LRRK2: variants seen among roughly 807,000 people sequenced by gnomAD.
LRRK2 encodes leucine rich repeat kinase 2, also known as leucine-rich repeat serine/threonine-protein kinase 2.
A neutral mutation model predicts 302.6 loss-of-function variants in LRRK2; 203 were observed. The ratio of observed to expected loss-of-function variants is 0.67; its 90% CI spans 0.60 to 0.75. The LOEUF is 0.75. LRRK2 is among the 30% of genes least tolerant of loss of function. LRRK2 has a pLI of 0.00. For synonymous variants in LRRK2, 1,066 were observed against 1,031.9 expected (o/e 1.03, Z -0.63); for missense variants, 2,830 against 2,951.0 (o/e 0.96, Z 0.95).
chr12:40,326,502 A>G (rs1317815687), intron 38 of LRRK2, among the ~76,000 whole-genome samples: 3 of 151,744 alleles, frequency 2.0e-5, no homozygotes, highest in African/African-American at 4.8e-5. Context: ...AAAAAAAACA[A>G]CTAGAAGTCC....
chr12:40,365,864 A>G (rs1435185013), intron 49 of LRRK2: 1 of 151,950 alleles, frequency 6.6e-6, no homozygotes, highest in African/African-American at 2.4e-5. Flanking sequence ...CAGGAGTTAC[A>G]ATTAGATGCT....
At chr12:40,339,888 C>T in intron 40 of LRRK2, among the ~76,000 whole-genome samples, 1 of 152,076 alleles carries the variant, frequency 6.6e-6, no homozygotes, top group East Asian at 1.9e-4. Flanking sequence ...AAATAAATGG[C>T]AAGTACAACA....
rs536307415 is a variant in LRRK2 at position 40,351,586 on chromosome 12, C to A, written c.6429C>A (p.Arg2143=). 1.7e-5 allele frequency: 28 copies of A among 1,614,104 alleles called. No homozygotes were observed. The highest frequency in any genetic ancestry group is 2.4e-5 in the Non-Finnish European group (28 of 1,180,020). ...NSAELVCLTR[R]ILLPKNVIVE... ...CTGAATTAGTCTGTCTGACGAGACGCATTTTATTACCTAAAAACGTAATTG... is the reference window on the plus strand; with the variant it reads ...CTGAATTAGTCTGTCTGACGAGACGAATTTTATTACCTAAAAACGTAATTG... Residue 2143 remains arginine (R), a synonymous_variant, in exon 44 of 51, where the codon CGC becomes CGA. Transcript: ENST00000298910.
intron 42 of LRRK2, 149 bp from the exon 43 acceptor site, chr12:40,348,260 T>C (rs1475550762): frequency 9.7e-6 from 6 of 618,650 alleles, no homozygotes; most frequent in Non-Finnish European, 1.7e-5. Context: ...AAATTAGCTT[T>C]AATTTTGTGA....
rs4768229 is a variant in LRRK2 at position 40,321,446 on chromosome 12, T to C, written c.5170+258T>C. 0.57 allele frequency among the ~76,000 whole-genome samples: 85,982 copies of C among 151,688 alleles called. 24,506 individuals carry two copies. The highest frequency in any genetic ancestry group is 0.7 in the South Asian group (3,354 of 4,820). On this transcript the variant is annotated intron_variant, in intron 35 of 50. Transcript: ENST00000298910. Reference sequence around the variant, plus strand: ...CTTAGGTGCTCACTCAGATCTTGACTGTGATTACATTGTAGGGACTGTAAT... The same window carrying C: ...CTTAGGTGCTCACTCAGATCTTGACCGTGATTACATTGTAGGGACTGTAAT...
At chr12:40,351,448 C>G (rs1946347769) in intron 43 of LRRK2, 91 bp from the exon 44 acceptor site, 4 of 1,261,756 alleles carry the variant, frequency 3.2e-6, no homozygotes, top group Non-Finnish European at 4.5e-6. Context: ...TTTTGCTTGA[C>G]AGAGCTATAA....
At chr12:40,306,186 G>A (rs1433046553) in intron 28 of LRRK2, among the ~76,000 whole-genome samples, 4 of 152,012 alleles carry the variant, frequency 2.6e-5, no homozygotes, top group East Asian at 3.9e-4. Context: ...TGTTGAGAGC[G>A]GCTTCTCCTC....
chr12:40,250,093 A>C (rs1205469281), intron 8 of LRRK2, 148 bp downstream of exon 8: 5 of 974,904 alleles, frequency 5.1e-6, no homozygotes, highest in Non-Finnish European at 7.8e-6. Flanking sequence ...GATACTTTCA[A>C]GGAAACTAAC....
At chr12:40,314,541 CA>C (rs1945148918) in intron 32 of LRRK2, among the ~76,000 whole-genome samples, 1 of 151,954 alleles carries the variant, frequency 6.6e-6, no homozygotes, top group African/African-American at 2.4e-5. Flanking sequence ...TTTTATATTG[CA>C]AAGGGGAATT....
At chr12:40,336,779 T>A (rs1483365854) in intron 40 of LRRK2, among the ~76,000 whole-genome samples, 2 of 152,172 alleles carry the variant, frequency 1.3e-5, no homozygotes, top group African/African-American at 4.8e-5. Flanking sequence ...GAATCTTGGG[T>A]TACATTAATC....
At position 40,249,915 on chromosome 12, in the gene LRRK2, A is replaced by T; in HGVS notation, c.928A>T (p.Ile310Phe). 1 of 1,613,892 alleles carries T rather than the reference A, an allele frequency of 6.2e-7. No individual in the cohort carries two copies. Among genetic ancestry groups the T allele is most frequent in the Non-Finnish European group, 8.5e-7 (1 of 1,179,838 alleles). ...QQYPENAALQ[I>F]SALSCLALLT... ...GTACCCAGAGAATGCAGCATTGCAG[A>T]TCTCAGCGCTCAGCTGTTTGGCCCT... Residue 310 changes from isoleucine to phenylalanine, a missense_variant, in exon 8 of 51, where the codon ATC becomes TTC. This residue lies in a region of LRRK2 where 2,121 missense variants were observed against 2,148.0 expected (regional missense o/e 0.99). Transcript: ENST00000298910.
chr12:40,315,618 G>A (rs1043514247), intron 33 of LRRK2, among the ~76,000 whole-genome samples: 6 of 151,940 alleles, frequency 3.9e-5, no homozygotes, highest in African/African-American at 1.4e-4. Flanking sequence ...TGATGGCTTT[G>A]TGGAAATCCT....
In LRRK2 at chr12:40,225,701, T is replaced by A; in HGVS notation, c.237+61T>A. The stretch of plus-strand genomic sequence containing the variant: ...TTCTGTTTGGAAGGAGACGTTTTAC[T>A]GGCAATGTTAATATAGCCGAGAGTT... On this transcript the variant is annotated intron_variant, in intron 2 of 50. Coordinates refer to ENST00000298910, the MANE Select transcript of LRRK2 (RefSeq NM_198578.4). The A allele has an allele frequency of 2.1e-6, 3 of 1,434,742 alleles. No homozygotes were observed. In the South Asian group the frequency reaches 3.5e-5, roughly 17 times the overall value. The allele number at this position is 1,434,742 out of a possible 1,614,324, so 88.9% of individuals were successfully genotyped here. A position where few individuals can be genotyped will look rare whatever the true frequency, so the allele number is the denominator to read the frequency against.
In LRRK2 at chr12:40,290,233, C is replaced by A. The variant is rs140169935; in HGVS notation, c.2689+2694C>A. Among the ~76,000 whole-genome samples, 625 of 152,048 alleles carry A rather than the reference C, an allele frequency of 4.1e-3. 8 individuals carry two copies. The highest frequency in any genetic ancestry group is 0.014 in the African/African-American group (598 of 41,508). ...ATGGTCAAATACACTGACTGATTTT[C>A]TAATGTTAAACCAACTTGCATTCCT... On this transcript the variant is annotated intron_variant, in intron 20 of 50. Coordinates refer to ENST00000298910, the MANE Select transcript of LRRK2 (RefSeq NM_198578.4).
At chr12:40,301,382 C>A (rs1183921461) in intron 25 of LRRK2, among the ~76,000 whole-genome samples, 2 of 152,092 alleles carry the variant, frequency 1.3e-5, no homozygotes, top group Non-Finnish European at 2.9e-5. Context: ...GGAGATCAGG[C>A]CACAGCACTC....
intron 25 of LRRK2, among the ~76,000 whole-genome samples, chr12:40,302,304 G>A (rs1183851856): frequency 3.3e-5 from 5 of 151,520 alleles, no homozygotes; most frequent in African/African-American, 4.8e-5. Flanking sequence ...TTATATGATC[G>A]AAGAATACTT....
Position 40,259,573 on chromosome 12 carries a change from G to T in LRRK2, c.1512G>T (p.Ala504=). The change falls in exon 13 of 51, where the codon GCG becomes GCT. Residue 504 remains alanine (A), a synonymous_variant. Transcript: ENST00000298910. ...HETSLPVQLE[A]LRAILHFIVP... is the part of the protein sequence containing the mutation. ...CATCATTACCAGTGCAGCTGGAGGC[G>T]CTTCGAGCTATTTTACATTTTATAG... is the stretch of plus-strand genomic sequence containing the variant. The T allele has an allele frequency of 1.2e-6, 2 of 1,613,180 alleles. No homozygotes were observed. Among genetic ancestry groups the T allele is most frequent in the East Asian group, 2.2e-5 (1 of 44,852 alleles).
intron 25 of LRRK2, chr12:40,300,690 A>G: frequency 2.3e-6 from 1 of 426,988 alleles, no homozygotes; most frequent in South Asian, 1.8e-5. Context: ...CTCACTAGTA[A>G]GCAAAGCAAA....
At position 40,298,800 on chromosome 12, in the gene LRRK2, A is replaced by AT. The variant is rs1565726963; in HGVS notation, c.3347+308dup. 5.9e-5 allele frequency among the ~76,000 whole-genome samples: 3 copies of AT among 50,602 alleles called. No individual in the cohort carries two copies. In the East Asian group the frequency reaches 1.3e-3, roughly 22 times the overall value. The allele number at this position is 50,602 out of a possible 152,430, so 33.2% of individuals were successfully genotyped here. A position where few individuals can be genotyped will look rare whatever the true frequency, so the allele number is the denominator to read the frequency against. On this transcript the variant is annotated intron_variant, in intron 24 of 50. Transcript: ENST00000298910. ...AGAAATATATATATATATATATATA[A>AT]TATATGTATTATAATATATAATACA...
Sources: allele counts gnomAD v4.1 joint callset (sites outside exome capture counted in the v4.1 genomes callset), GRCh38; gene constraint gnomAD v4.1.1; regional missense constraint gnomAD v4.1.1; transcripts MANE v1.5; gene names NCBI Gene and HGNC (gene_info 2026-07-23, HGNC 2026-07-21).